Variants in LDB2 observed in about 807,000 individuals in gnomAD.
LDB2 encodes the protein LIM domain-binding protein 2.
In LDB2, 12 loss-of-function variants were observed where a neutral mutation model predicts 44.3. The observed-to-expected ratio is 0.27, with a 90% CI of 0.17 to 0.44. The LOEUF is 0.44. Among genes scored for constraint, LDB2 ranks in the 20% least tolerant of loss-of-function variants. The probability of loss-of-function intolerance (pLI) is 1.00; values close to 1 mark genes in which losing one functional copy is unlikely to be tolerated. For missense variants in LDB2, 344 were observed against 473.5 expected (o/e 0.73, Z 2.54); for synonymous variants, 164 against 174.8 (o/e 0.94, Z 0.49).
At chr4:16,525,536 G>A (rs1456114486) in intron 5 of LDB2, among the ~76,000 whole-genome samples, 3 of 152,172 alleles carry the variant, frequency 2.0e-5, no homozygotes, top group African/African-American at 7.2e-5. Context: ...TATGAAAATG[G>A]AGTTGGCAGA....
At chr4:16,800,698 G>C (rs951421647) in intron 1 of LDB2, among the ~76,000 whole-genome samples, 1 of 152,096 alleles carries the variant, frequency 6.6e-6, no homozygotes, top group African/African-American at 2.4e-5. Context: ...TTTTTGAGAC[G>C]GAGTCTCGCT....
intron 1 of LDB2, among the ~76,000 whole-genome samples, chr4:16,868,390 G>A (rs1232597084): frequency 6.6e-6 from 1 of 152,110 alleles, no homozygotes; most frequent in African/African-American, 2.4e-5. Context: ...TCTGCTGACG[G>A]GGGTGTATTT....
chr4:16,892,981 C>T, intron 1 of LDB2: 1 of 443,456 alleles, frequency 2.3e-6, no homozygotes. Flanking sequence ...AGTTAGTTTG[C>T]AGCAATTTTT....
At chr4:16,769,310 T>TA (rs1770094047) in intron 1 of LDB2, among the ~76,000 whole-genome samples, 1 of 151,666 alleles carries the variant, frequency 6.6e-6, no homozygotes, top group South Asian at 2.1e-4. Flanking sequence ...TTTTATTTTT[T>TA]TTTGAGATGG....
At chr4:16,814,790 A>G (rs899088059) in intron 1 of LDB2, among the ~76,000 whole-genome samples, 1 of 152,236 alleles carries the variant, frequency 6.6e-6, no homozygotes, top group Non-Finnish European at 1.5e-5. Flanking sequence ...ATCAGGGGGT[A>G]CAAAGTGATA....
intron 1 of LDB2, among the ~76,000 whole-genome samples, chr4:16,770,591 G>C (rs1464970780): frequency 6.6e-6 from 1 of 152,128 alleles, no homozygotes; most frequent in Non-Finnish European, 1.5e-5. Context: ...TGTACCCAAG[G>C]TTACAAATCA....
At chr4:16,676,114 C>G (rs534718887) in intron 2 of LDB2, among the ~76,000 whole-genome samples, 6 of 152,192 alleles carry the variant, frequency 3.9e-5, no homozygotes, top group Non-Finnish European at 8.8e-5. Context: ...ACCTGACACA[C>G]TTAATTTCCC....
At chr4:16,660,379 G>A (rs1328072456) in intron 2 of LDB2, among the ~76,000 whole-genome samples, 2 of 152,028 alleles carry the variant, frequency 1.3e-5, no homozygotes, top group East Asian at 3.9e-4. Context: ...TAGAAATAAG[G>A]GTAAAGAGGA....
chr4:16,773,990 T>TAAAAAAA (rs1771290963), intron 1 of LDB2, among the ~76,000 whole-genome samples: 1 of 15,048 alleles, frequency 6.6e-5, no homozygotes. Context: ...CCATCTCTAC[T>TAAAAAAA]AAAAATACAA....
chr4:16,652,363 C>A (rs1738528803), intron 2 of LDB2, among the ~76,000 whole-genome samples: 1 of 152,194 alleles, frequency 6.6e-6, no homozygotes, highest in African/African-American at 2.4e-5. Flanking sequence ...CTCTTCAGAA[C>A]TGAAAAGCTA....
At chr4:16,864,698 A>G (rs892487922) in intron 1 of LDB2, among the ~76,000 whole-genome samples, 19 of 151,708 alleles carry the variant, frequency 1.3e-4, no homozygotes, top group Non-Finnish European at 5.9e-5. Context: ...GCCGAGGTGG[A>G]TGGATCACCT....
At chr4:16,585,014 T>G (rs1057488456) in intron 5 of LDB2, among the ~76,000 whole-genome samples, 3 of 152,192 alleles carry the variant, frequency 2.0e-5, no homozygotes, top group African/African-American at 7.2e-5. Flanking sequence ...GCATCTTCCC[T>G]GTTTTAAGCG....
chr4:16,700,084 T>A (rs749591525), intron 2 of LDB2, among the ~76,000 whole-genome samples: 58 of 152,266 alleles, frequency 3.8e-4, no homozygotes, highest in South Asian at 1.0e-3. Flanking sequence ...CATCCCTAAT[T>A]AAAAAATCCA....
At chr4:16,787,205 G>C (rs980199137) in intron 1 of LDB2, among the ~76,000 whole-genome samples, 1 of 152,138 alleles carries the variant, frequency 6.6e-6, no homozygotes, top group Non-Finnish European at 1.5e-5. Flanking sequence ...CAGCTATGCT[G>C]TGTCAAAGAT....
chr4:16,560,195 A>G (rs1741503524), intron 5 of LDB2, among the ~76,000 whole-genome samples: 1 of 152,234 alleles, frequency 6.6e-6, no homozygotes, highest in African/African-American at 2.4e-5. Context: ...AAGCTAGCAG[A>G]AGGCAAGAAA....
chr4:16,875,429 G>A (rs1174939666), intron 1 of LDB2, among the ~76,000 whole-genome samples: 2 of 152,016 alleles, frequency 1.3e-5, no homozygotes, highest in East Asian at 3.9e-4. Flanking sequence ...TCAGAGTGAA[G>A]CCAAGGAATA....
intron 2 of LDB2, among the ~76,000 whole-genome samples, chr4:16,620,273 C>G (rs561798065): frequency 2.0e-5 from 3 of 152,170 alleles, no homozygotes; most frequent in Non-Finnish European, 4.4e-5. Context: ...AGGCTCATAT[C>G]AAGTCAGGCA....
chr4:16,656,664 G>A (rs1331506263), intron 2 of LDB2, among the ~76,000 whole-genome samples: 2 of 152,222 alleles, frequency 1.3e-5, no homozygotes, highest in Non-Finnish European at 1.5e-5. Flanking sequence ...TTTGCAGTGA[G>A]TGTGTTGAAT....
intron 2 of LDB2, among the ~76,000 whole-genome samples, chr4:16,735,169 T>C (rs564064885): frequency 1.8e-4 from 27 of 152,322 alleles, no homozygotes; most frequent in East Asian, 3.9e-4. Flanking sequence ...CCTGTCCACA[T>C]TGGGGCCTCC....
Sources: allele counts gnomAD v4.1 joint callset (sites outside exome capture counted in the v4.1 genomes callset), GRCh38; gene constraint gnomAD v4.1.1; transcripts MANE v1.5; gene names NCBI Gene and HGNC (gene_info 2026-07-23, HGNC 2026-07-21).